KCMF1: variants seen among roughly 807,000 people sequenced by gnomAD.
KCMF1 encodes E3 ubiquitin-protein ligase KCMF1.
A neutral mutation model predicts 41.1 loss-of-function variants in KCMF1; 3 were observed. That is an observed-to-expected ratio of 0.07 (90% confidence interval 0.03 to 0.19). KCMF1 has a LOEUF of 0.19. Among genes scored for constraint, KCMF1 ranks in the 10% least tolerant of loss-of-function variants. The pLI is 1.00. For synonymous variants in KCMF1, 142 were observed against 164.5 expected, an observed-to-expected ratio of 0.86 and a Z score of 1.04; for missense variants, 286 against 488.9, an observed-to-expected ratio of 0.58 and a Z score of 3.91.
At position 84,994,013 on chromosome 2, in the gene KCMF1, C is replaced by A. The variant is rs191763306; in HGVS notation, c.16+22546C>A. ...CCCAGGCTGGAGTGCAGTGGCGTGA[C>A]CTCGGCTCACTGCAAGCTCCGCCTC... On this transcript the variant is annotated intron_variant, in intron 1 of 6. Coordinates refer to ENST00000409785, the MANE Select transcript of KCMF1 (RefSeq NM_020122.5). Among the ~76,000 whole-genome samples, 97 of 149,792 alleles carry A rather than the reference C, an allele frequency of 6.5e-4. No individual in the cohort carries two copies. The East Asian group carries it at 6.6e-3, about 10-fold the overall frequency.
At chr2:84,996,068 A>G (rs1483191470) in intron 1 of KCMF1, among the ~76,000 whole-genome samples, 1 of 152,330 alleles carries the variant, frequency 6.6e-6, no homozygotes, top group African/African-American at 2.4e-5. Flanking sequence ...GTTCCAAGCA[A>G]TTGTATTACT....
chr2:84,997,327 G>C (rs1408532872), intron 1 of KCMF1, among the ~76,000 whole-genome samples: 1 of 151,784 alleles, frequency 6.6e-6, no homozygotes, highest in Non-Finnish European at 1.5e-5. Flanking sequence ...GTAGTGTCTT[G>C]GTTCCCCAAA....
At chr2:85,024,270 C>T (rs1428783219) in intron 1 of KCMF1, among the ~76,000 whole-genome samples, 1 of 152,086 alleles carries the variant, frequency 6.6e-6, no homozygotes, top group Non-Finnish European at 1.5e-5. Context: ...ACCCGGAGTT[C>T]GAGACCAGCC....
chr2:84,975,128 C>T (rs920516677), intron 1 of KCMF1, among the ~76,000 whole-genome samples: 1 of 151,942 alleles, frequency 6.6e-6, no homozygotes, highest in African/African-American at 2.4e-5. Flanking sequence ...GTGGACCGGC[C>T]GTGGTGGCTC....
At chr2:85,002,986 T>C (rs1228039547) in intron 1 of KCMF1, among the ~76,000 whole-genome samples, 5 of 152,238 alleles carry the variant, frequency 3.3e-5, no homozygotes, top group Non-Finnish European at 4.4e-5. Context: ...GTTGTAGATA[T>C]ATCACAGTTA....
At chr2:84,993,090 G>A (rs570194471) in intron 1 of KCMF1, among the ~76,000 whole-genome samples, 25 of 151,966 alleles carry the variant, frequency 1.6e-4, no homozygotes, top group Non-Finnish European at 3.1e-4. Flanking sequence ...GGGAGGCTGA[G>A]ATGAAAGGAT....
In KCMF1 at chr2:84,975,890, C is replaced by G. The variant is rs146009394; in HGVS notation, c.16+4423C>G. Among the ~76,000 whole-genome samples, 417 of 152,246 alleles carry G rather than the reference C, an allele frequency of 2.7e-3. 4 individuals are homozygous for G. Among genetic ancestry groups the G allele is most frequent in the African/African-American group, 9.7e-3 (405 of 41,554 alleles). On this transcript the variant is annotated intron_variant, in intron 1 of 6. Coordinates refer to ENST00000409785, the MANE Select transcript of KCMF1 (RefSeq NM_020122.5). ...ATGAATGTTCTTGCATAGATTAGAG[C>G]CTAATTGATTACCTGGATCTAGGTA...
At chr2:84,993,540 C>G (rs1350080260) in intron 1 of KCMF1, among the ~76,000 whole-genome samples, 2 of 149,094 alleles carry the variant, frequency 1.3e-5, no homozygotes, top group Non-Finnish European at 3.0e-5. Context: ...GGTCAATTCT[C>G]TACCCCCATT....
chr2:84,993,555 AT>A (rs1674098310), intron 1 of KCMF1, among the ~76,000 whole-genome samples: 4 of 150,030 alleles, frequency 2.7e-5, no homozygotes, highest in African/African-American at 9.8e-5. Flanking sequence ...CCCATTATTT[AT>A]TTATTTATTT....
rs370704902 is a variant in KCMF1, at chr2:85,027,996, A to G, written c.124A>G (p.Thr42Ala). Residue 42 changes from threonine to alanine, a missense_variant, in exon 2 of 7, where the codon ACA becomes GCA. Thr to Ala is a moderately conservative substitution (Grantham distance 58, BLOSUM62 0). Coordinates refer to ENST00000409785, the MANE Select transcript of KCMF1 (RefSeq NM_020122.5). ...TGCATCTTGTTATGAAAGTGGTGCA[A>G]CAACAACAAGGCATACAACTGACCA... Reference protein sequence around the residue: ...LCASCYESGATTTRHTTDHPM... With the variant: ...LCASCYESGAATTRHTTDHPM... 3.1e-6 allele frequency: 5 copies of G among 1,611,310 alleles called. No individual in the cohort carries two copies. The highest frequency in any genetic ancestry group is 2.7e-5 in the African/African-American group (2 of 74,870).
intron 1 of KCMF1, among the ~76,000 whole-genome samples, chr2:85,013,702 G>A (rs1674701573): frequency 6.6e-6 from 1 of 152,026 alleles, no homozygotes; most frequent in South Asian, 2.1e-4. Flanking sequence ...GGAGGCTGAG[G>A]TAGGAGAATC....
At chr2:85,038,567 C>T (rs1360133435) in intron 3 of KCMF1, among the ~76,000 whole-genome samples, 5 of 152,130 alleles carry the variant, frequency 3.3e-5, no homozygotes, top group African/African-American at 9.7e-5. Flanking sequence ...TGTCATTGGC[C>T]GTGGCATTTA....
chr2:84,982,724 T>C (rs1364274465), intron 1 of KCMF1, among the ~76,000 whole-genome samples: 1 of 152,146 alleles, frequency 6.6e-6, no homozygotes, highest in Non-Finnish European at 1.5e-5. Context: ...TTGAAATACA[T>C]GCTGGGAGTT....
In KCMF1 at chr2:85,055,754, G is replaced by A. The variant is rs1366547693; in HGVS notation, c.*2345G>A. ...CTGAATGAAAATCTTATTACTGGAT[G>A]TACTATTGAATAAAAATTAATTGCA... On this transcript the variant is annotated 3_prime_UTR_variant, in exon 7 of 7. Coordinates refer to ENST00000409785, the MANE Select transcript of KCMF1 (RefSeq NM_020122.5). The A allele has an allele frequency of 6.6e-6, 1 of 152,090 alleles. No homozygotes were observed. Among genetic ancestry groups the A allele is most frequent in the Non-Finnish European group, 1.5e-5 (1 of 68,004 alleles). 9.4% of individuals were successfully genotyped at this position (152,090 alleles called of 1,614,324 possible). A position where few individuals can be genotyped will look rare whatever the true frequency, so the allele number is the denominator to read the frequency against.
chr2:85,008,314 T>TATCATATATAATATATAATATG lies in KCMF1; in HGVS notation c.17-19573_17-19572insCATATATAATATATAATATGAT, dbSNP rs1558573447. On this transcript the variant is annotated intron_variant, in intron 1 of 6. Transcript: ENST00000409785. ...AATATATATAATATATAATATGATA[T>TATCATATATAATATATAATATG]ATATATCATATATAATATATAATAT... Among the ~76,000 whole-genome samples the TATCATATATAATATATAATATG allele has an allele frequency of 5.0e-4, 51 of 101,024 alleles. 1 individual carries two copies. Among genetic ancestry groups the TATCATATATAATATATAATATG allele is most frequent in the South Asian group, 8.4e-4 (3 of 3,560 alleles). 66.3% of individuals were successfully genotyped at this position (101,024 alleles called of 152,430 possible).
At chr2:85,049,264 G>A in intron 5 of KCMF1, 102 bp from the exon 6 acceptor site, 1 of 1,234,148 alleles carries the variant, frequency 8.1e-7, no homozygotes, top group South Asian at 1.4e-5. Flanking sequence ...TTACCTACCT[G>A]TTCACAATGC....
chr2:85,001,250 C>T (rs1001162644), intron 1 of KCMF1, among the ~76,000 whole-genome samples: 4 of 151,924 alleles, frequency 2.6e-5, no homozygotes, highest in African/African-American at 9.7e-5. Context: ...CTCTGCCTCC[C>T]AGGTTCAAGT....
At chr2:84,989,163 G>A (rs573088686) in intron 1 of KCMF1, among the ~76,000 whole-genome samples, 32 of 152,268 alleles carry the variant, frequency 2.1e-4, no homozygotes, top group Admixed American at 1.5e-3. Flanking sequence ...GTGGAGATGT[G>A]CTGGGCACTG....
intron 1 of KCMF1, among the ~76,000 whole-genome samples, chr2:84,995,253 C>G (rs951713588): frequency 1.3e-5 from 2 of 152,114 alleles, no homozygotes. Flanking sequence ...AACTCCTGAC[C>G]TCGTGATCCA....
Sources: allele counts gnomAD v4.1 joint callset (sites outside exome capture counted in the v4.1 genomes callset), GRCh38; gene constraint gnomAD v4.1.1; transcripts MANE v1.5; gene names NCBI Gene and HGNC (gene_info 2026-07-23, HGNC 2026-07-21).